Variants in PDZD2 observed in about 807,000 individuals in gnomAD.
PDZD2 encodes the protein PDZ domain containing 2.
In PDZD2, 90 loss-of-function variants were observed where a neutral mutation model predicts 220.7. The ratio of observed to expected loss-of-function variants is 0.41; its 90% CI spans 0.34 to 0.49. PDZD2 has a LOEUF of 0.49. Among genes scored for constraint, PDZD2 ranks in the 20% least tolerant of loss-of-function variants. PDZD2 has a pLI of 0.28. For synonymous variants in PDZD2, 1,375 were observed against 1,450.5 expected (o/e 0.95, Z 1.18); for missense variants, 3,174 against 3,608.5 (o/e 0.88, Z 3.08).
intron 2 of PDZD2, among the ~76,000 whole-genome samples, chr5:31,947,788 G>A (rs1269432515): frequency 6.6e-6 from 1 of 152,146 alleles, no homozygotes; most frequent in African/African-American, 2.4e-5. Context: ...CTGCATTCCA[G>A]CCTGGAGGAT....
At chr5:31,876,400 C>T (rs1739309227) in intron 2 of PDZD2, among the ~76,000 whole-genome samples, 1 of 151,622 alleles carries the variant, frequency 6.6e-6, no homozygotes, top group South Asian at 2.1e-4. Flanking sequence ...TCAAGCGACT[C>T]TCCTGCCTCA....
At chr5:31,865,157 A>G (rs1738098944) in intron 2 of PDZD2, among the ~76,000 whole-genome samples, 1 of 151,788 alleles carries the variant, frequency 6.6e-6, no homozygotes, top group Admixed American at 6.6e-5. Flanking sequence ...GAGATTTGTC[A>G]TCTTATTCTT....
chr5:31,698,875 C>A (rs386935), intron 1 of PDZD2, among the ~76,000 whole-genome samples: 1 of 151,966 alleles, frequency 6.6e-6, no homozygotes. Flanking sequence ...GTTTGTGACC[C>A]CATCCGTCTT....
intron 2 of PDZD2, among the ~76,000 whole-genome samples, chr5:31,871,076 C>A (rs1738749594): frequency 6.6e-6 from 1 of 152,024 alleles, no homozygotes; most frequent in South Asian, 2.1e-4. Context: ...TGGGAAGAAA[C>A]CAGAAATCTT....
At position 31,773,770 on chromosome 5, in the gene PDZD2, C is replaced by T. The variant is rs141828155; in HGVS notation, c.-360-25119C>T. 8.9e-3 allele frequency among the ~76,000 whole-genome samples: 1,360 copies of T among 152,286 alleles called. 13 individuals are homozygous for T. The highest frequency in any genetic ancestry group is 0.037 in the South Asian group (177 of 4,822). Reference sequence around the variant, plus strand: ...AGTATTAATACCTGGATTATTGTCCCAGCTCAGCTCCTGGCTGTGTGACTT... The same window carrying T: ...AGTATTAATACCTGGATTATTGTCCTAGCTCAGCTCCTGGCTGTGTGACTT... On this transcript the variant is annotated intron_variant, in intron 1 of 24. Transcript: ENST00000438447.
At chr5:32,054,995 CCTTA>C (rs1386421086) in intron 10 of PDZD2, among the ~76,000 whole-genome samples, 1 of 152,136 alleles carries the variant, frequency 6.6e-6, no homozygotes, top group Admixed American at 6.5e-5. Context: ...CACTTTCCCA[CCTTA>C]CTTGAGAAAA....
At chr5:31,966,607 C>T (rs1438056257) in intron 2 of PDZD2, among the ~76,000 whole-genome samples, 2 of 152,190 alleles carry the variant, frequency 1.3e-5, no homozygotes, top group African/African-American at 4.8e-5. Flanking sequence ...TTAAAAGTTG[C>T]TCTGTCAACA....
At chr5:31,680,009 G>C (rs923335204) in intron 1 of PDZD2, among the ~76,000 whole-genome samples, 9 of 152,142 alleles carry the variant, frequency 5.9e-5, no homozygotes, top group African/African-American at 2.2e-4. Context: ...AGCTCCAAAA[G>C]GTTTAAATGC....
intron 3 of PDZD2, among the ~76,000 whole-genome samples, chr5:31,989,527 A>G (rs1372403796): frequency 1.3e-5 from 2 of 150,904 alleles, no homozygotes; most frequent in African/African-American, 4.9e-5. Flanking sequence ...GGTTCAAGCA[A>G]TTCTCCTGCC....
In PDZD2 at chr5:31,639,299, C is replaced by T. The variant is rs1744842773; in HGVS notation, c.-499C>T. 6.7e-6 allele frequency: 1 copy of T among 150,094 alleles called. No homozygotes were observed. Among genetic ancestry groups the T allele is most frequent in the South Asian group, 2.1e-4 (1 of 4,832 alleles). The allele number at this position is 150,094 out of a possible 1,614,324, so 9.3% of individuals were successfully genotyped here. On this transcript the variant is annotated 5_prime_UTR_variant, in exon 1 of 25. Transcript: ENST00000438447. This position sits in a 1 kb window ranked among gnomAD's most constrained non-coding sequence, Gnocchi z 4.1. ...GCCTCCCGCGGCTGCCGGCGAACCG[C>T]GGCTCTGCAGCTCGGGGCAGGCGCG...
At chr5:31,916,669 A>T (rs756855079) in intron 2 of PDZD2, among the ~76,000 whole-genome samples, 2 of 25,728 alleles carry the variant, frequency 7.8e-5, no homozygotes, top group African/African-American at 8.6e-4. Flanking sequence ...TTCTTCATGG[A>T]TCCCTGGGTG....
rs1010697998 is a variant in PDZD2 at position 31,639,719 on chromosome 5, A to C, written c.-361+282A>C. On this transcript the variant is annotated intron_variant, in intron 1 of 24. Transcript: ENST00000438447. This position sits in a 1 kb window ranked among gnomAD's most constrained non-coding sequence, Gnocchi z 4.1. ...GAGACAGCGGGACAACCGGAGACGC[A>C]CTGCCGGGGGTACTCAAGACAGGGC... is the stretch of plus-strand genomic sequence containing the variant. Among the ~76,000 whole-genome samples, 1 of 152,106 alleles carries C rather than the reference A, an allele frequency of 6.6e-6. No homozygotes were observed. Among genetic ancestry groups the C allele is most frequent in the African/African-American group, 2.4e-5 (1 of 41,456 alleles).
intron 2 of PDZD2, among the ~76,000 whole-genome samples, chr5:31,932,463 C>T (rs1315837169): frequency 2.0e-5 from 3 of 152,032 alleles, no homozygotes; most frequent in Admixed American, 6.6e-5. Flanking sequence ...GCAGGAGAAT[C>T]GCTGGAACCC....
chr5:31,978,784 C>T (rs115572844), intron 2 of PDZD2, among the ~76,000 whole-genome samples: 1,572 of 152,006 alleles, frequency 0.01, 26 homozygotes, highest in African/African-American at 0.036. Context: ...CTGCAGCATC[C>T]GTAATTCATT....
rs753237193 is a variant in PDZD2 at position 32,074,525 on chromosome 5, C to T, written c.3419C>T (p.Ser1140Leu). ...GAGGCTGAGGCCAAGCCCAGTGGCTCACAGACAGTGAACCTGACTGGCAGA... is the reference window on the plus strand; with the variant it reads ...GAGGCTGAGGCCAAGCCCAGTGGCTTACAGACAGTGAACCTGACTGGCAGA... ...RSEAEAKPSG[S>L]QTVNLTGRAN... is the part of the protein sequence containing the mutation. Residue 1140 changes from serine (S) to leucine (L), a missense_variant, in exon 18 of 25, where the codon TCA (serine) becomes TTA (leucine). Around this residue, in one of 4 missense-constraint regions of PDZD2, gnomAD observed 1,861 missense variants for 2,001.0 expected, o/e 0.93. Transcript: ENST00000438447. The T allele has an allele frequency of 6.2e-6, 10 of 1,613,988 alleles. No individual in the cohort carries two copies. Among genetic ancestry groups the T allele is most frequent in the African/African-American group, 4.0e-5 (3 of 74,956 alleles).
chr5:31,948,386 TTTTCCAGA>T (rs1746851436), intron 2 of PDZD2, among the ~76,000 whole-genome samples: 1 of 152,148 alleles, frequency 6.6e-6, no homozygotes, highest in African/African-American at 2.4e-5. Flanking sequence ...TTCGACCTTG[TTTTCCAGA>T]CTAGATTAAG....
chr5:31,864,411 C>A (rs1000309900), intron 2 of PDZD2, among the ~76,000 whole-genome samples: 1 of 152,196 alleles, frequency 6.6e-6, no homozygotes, highest in Non-Finnish European at 1.5e-5. Flanking sequence ...CTGTTTCCTG[C>A]TGGACTCTGA....
Position 32,073,825 on chromosome 5 carries a change from C to G in PDZD2, c.2726-7C>G. ...TCACTTGACTTTTCTGTCCCCACCT[C>G]CACCAGCTCACAAGGAGCCTGGAAA... On this transcript the variant is annotated splice_polypyrimidine_tract_variant and splice_region_variant and intron_variant, in intron 17 of 24. Transcript: ENST00000438447. 6.3e-7 allele frequency: 1 copy of G among 1,594,374 alleles called. No individual in the cohort carries two copies. The highest frequency in any genetic ancestry group is 8.5e-7 in the Non-Finnish European group (1 of 1,170,884).
At chr5:31,906,457 G>A (rs1397520815) in intron 2 of PDZD2, among the ~76,000 whole-genome samples, 1 of 151,642 alleles carries the variant, frequency 6.6e-6, no homozygotes, top group African/African-American at 2.4e-5. Flanking sequence ...CAATCAGCCC[G>A]TCTCAGCCTC....
Sources: gnomAD v4.1 joint callset for allele counts (sites outside exome capture counted in the v4.1 genomes callset) on GRCh38, gnomAD v4.1.1 for gene constraint, gnomAD v4.1.1 regional missense constraint, Gnocchi (gnomAD v3.1) non-coding constraint, MANE v1.5 for transcripts, NCBI Gene and HGNC (gene_info 2026-07-23, HGNC 2026-07-21) for gene names.